CHIA: variants seen among roughly 807,000 people sequenced by gnomAD.
CHIA encodes acidic mammalian chitinase.
In CHIA, 47 loss-of-function variants were observed where a neutral mutation model predicts 53.5. The ratio of observed to expected loss-of-function variants is 0.88; its 90% CI spans 0.70 to 1.12. CHIA has a LOEUF of 1.12. Among genes scored for constraint, CHIA ranks in the 50% most tolerant of loss-of-function variants. CHIA has a pLI of 0.00. For synonymous variants in CHIA, 268 were observed against 222.2 expected (o/e 1.21, Z -1.83); for missense variants, 652 against 592.2 (o/e 1.10, Z -1.05).
chr1:111,315,323 T>G lies in CHIA; in HGVS notation c.368T>G (p.Val123Gly). The change falls in exon 6 of 12, where the codon GTC becomes GGC. Residue 123 changes from valine (V) to glycine (G), a missense_variant. Physicochemically the swap from Val to Gly is moderately radical, Grantham distance 109. Transcript: ENST00000369740. ...PENRQTFITS[V>G]IKFLRQYEFD... ...AACCGCCAGACTTTCATCACCTCAG[T>G]CATCAAATTCCTGCGCCAGTATGAG... is the stretch of plus-strand genomic sequence containing the variant. 1.2e-6 allele frequency: 2 copies of G among 1,613,512 alleles called. No homozygotes were observed. Among genetic ancestry groups the G allele is most frequent in the South Asian group, 2.2e-5 (2 of 91,054 alleles).
chr1:111,294,366 G>A (rs1227940617), intron 1 of CHIA, among the ~76,000 whole-genome samples: 1 of 151,624 alleles, frequency 6.6e-6, no homozygotes, highest in African/African-American at 2.4e-5. Flanking sequence ...TATTCTCTTT[G>A]TTAGTTTATA....
intron 1 of CHIA, among the ~76,000 whole-genome samples, chr1:111,294,525 A>C (rs2101598477): frequency 6.6e-6 from 1 of 152,254 alleles, no homozygotes; most frequent in East Asian, 1.9e-4. Context: ...CTTCCTTCCC[A>C]AATTGGATGC....
At chr1:111,315,501 G>T (rs929235474) in intron 6 of CHIA, 66 bp downstream of exon 6, 8 of 1,533,150 alleles carry the variant, frequency 5.2e-6, no homozygotes, top group Non-Finnish European at 5.3e-6. Flanking sequence ...AGGAGAATTG[G>T]GTGGCTCTAG....
chr1:111,319,234 A>G lies in CHIA; in HGVS notation c.1030A>G (p.Ile344Val), dbSNP rs374270214. ...CTATGACAACATCAAGAGCTTCGAT[A>G]TTAAGGTAAGATCAGTCCCTTAAAT... ...VGYDNIKSFDIKAQWLKHNKF... is the reference protein window; with the variant it reads ...VGYDNIKSFDVKAQWLKHNKF... Residue 344 changes from isoleucine (I) to valine (V), a missense_variant, in exon 10 of 12, where the codon ATT (isoleucine) becomes GTT (valine). Ile to Val is a conservative substitution (Grantham distance 29). Coordinates refer to ENST00000369740, the MANE Select transcript of CHIA (RefSeq NM_201653.4). The G allele has an allele frequency of 2.7e-5, 43 of 1,614,102 alleles. No individual in the cohort carries two copies. The highest frequency in any genetic ancestry group is 3.4e-5 in the Non-Finnish European group (40 of 1,180,044).
Position 111,308,262 on chromosome 1 carries a change from C to T in CHIA, c.-68-2138C>T, listed in dbSNP as rs185813393. On this transcript the variant is annotated intron_variant, in intron 1 of 11. Coordinates refer to ENST00000369740, the MANE Select transcript of CHIA (RefSeq NM_201653.4). ...ACTAGCTATAAATGGTAGCTACACC[C>T]TATAGTCCTGAATACGATAAACCTG... Among the ~76,000 whole-genome samples, 15 of 152,288 alleles carry T rather than the reference C, an allele frequency of 9.8e-5. No homozygotes were observed. In the East Asian group the frequency reaches 2.9e-3, roughly 29 times the overall value.
At chr1:111,298,665 A>G (rs1003077817) in intron 1 of CHIA, among the ~76,000 whole-genome samples, 11 of 152,202 alleles carry the variant, frequency 7.2e-5, no homozygotes, top group African/African-American at 2.4e-4. Context: ...CCCTAACATC[A>G]CAATTAAAAG....
chr1:111,310,039 A>T (rs1164331401), intron 1 of CHIA, among the ~76,000 whole-genome samples: 12 of 152,234 alleles, frequency 7.9e-5, no homozygotes, highest in Non-Finnish European at 1.8e-4. Flanking sequence ...GAGGAAAAAA[A>T]GGTTTAAGAA....
At chr1:111,292,815 T>A (rs1414563573) in intron 1 of CHIA, among the ~76,000 whole-genome samples, 2 of 152,308 alleles carry the variant, frequency 1.3e-5, no homozygotes, top group East Asian at 3.9e-4. Flanking sequence ...ATTCTAAGTA[T>A]CTCACATAAA....
intron 1 of CHIA, among the ~76,000 whole-genome samples, chr1:111,308,278 G>A (rs534171943): frequency 1.3e-5 from 2 of 152,284 alleles, no homozygotes; most frequent in African/African-American, 4.8e-5. Flanking sequence ...TCCTGAATAC[G>A]ATAAACCTGG....
chr1:111,309,256 T>C (rs1225739554), intron 1 of CHIA, among the ~76,000 whole-genome samples: 1 of 152,194 alleles, frequency 6.6e-6, no homozygotes, highest in Non-Finnish European at 1.5e-5. Flanking sequence ...ACACTTAACC[T>C]ACCAATCACA....
intron 1 of CHIA, among the ~76,000 whole-genome samples, chr1:111,291,883 G>A (rs1661047270): frequency 6.6e-6 from 1 of 151,838 alleles, no homozygotes; most frequent in Non-Finnish European, 1.5e-5. Context: ...AAGCATGTGG[G>A]GCTTCATACC....
Position 111,313,497 on chromosome 1 carries a change from T to C in CHIA, c.258-1043T>C, listed in dbSNP as rs558059234. 7.2e-5 allele frequency among the ~76,000 whole-genome samples: 11 copies of C among 152,328 alleles called. No homozygotes were observed. The South Asian group carries it at 2.1e-3, about 29-fold the overall frequency. On this transcript the variant is annotated intron_variant, in intron 4 of 11. Transcript: ENST00000369740. ...CTTGGCCCATTTTTTAATCAGGTTA[T>C]TTGGTTTCTTACTACTGAGTTGTAT...
chr1:111,310,407 T>G lies in CHIA; in HGVS notation c.-61T>G. ...AAATTGTTCTCTATTTAGAAGCCTT[T>G]GTGATAACCACAGAATCAGAACATA... On this transcript the variant is annotated 5_prime_UTR_variant, in exon 2 of 12. Transcript: ENST00000369740. 1 of 1,609,506 alleles carries G rather than the reference T, an allele frequency of 6.2e-7. No homozygotes were observed. Among genetic ancestry groups the G allele is most frequent in the South Asian group, 1.1e-5 (1 of 89,964 alleles).
Position 111,296,894 on chromosome 1 carries a change from C to T in CHIA, c.-69+5944C>T, listed in dbSNP as rs190789675. Among the ~76,000 whole-genome samples, 344 of 152,252 alleles carry T rather than the reference C, an allele frequency of 2.3e-3. 1 individual carries two copies. The highest frequency in any genetic ancestry group is 7.5e-3 in the African/African-American group (313 of 41,558). On this transcript the variant is annotated intron_variant, in intron 1 of 11. Coordinates refer to ENST00000369740, the MANE Select transcript of CHIA (RefSeq NM_201653.4). ...GAAGAACTTAAATGAACTGACAGAA[C>T]GGAAAACCATGGCACGAGAACTTCG...
At chr1:111,296,469 G>T (rs2101603099) in intron 1 of CHIA, among the ~76,000 whole-genome samples, 1 of 152,320 alleles carries the variant, frequency 6.6e-6, no homozygotes, top group South Asian at 2.1e-4. Context: ...CAACAGACCT[G>T]CAGCTGAGGG....
rs140459744 is a variant in CHIA at position 111,320,227 on chromosome 1, G to A, written c.1192G>A (p.Ala398Thr). ...GTATGTTTCAGGTTGCACGGCTCCAGCTCAGCCCATTGAGCCAATAACTGC... is the reference window on the plus strand; with the variant it reads ...GTATGTTTCAGGTTGCACGGCTCCAACTCAGCCCATTGAGCCAATAACTGC... Reference protein sequence around the residue: ...GLQSASCTAPAQPIEPITAAP... With the variant: ...GLQSASCTAPTQPIEPITAAP... The change falls in exon 12 of 12, where the codon GCT becomes ACT. Residue 398 changes from alanine (A) to threonine (T), a missense_variant. Ala to Thr is a moderately conservative substitution (Grantham distance 58). Transcript: ENST00000369740. 11 of 1,613,658 alleles carry A rather than the reference G, an allele frequency of 6.8e-6. No individual in the cohort carries two copies. The highest frequency in any genetic ancestry group is 2.2e-5 in the East Asian group (1 of 44,904).
intron 1 of CHIA, among the ~76,000 whole-genome samples, chr1:111,296,477 G>A (rs1467605169): frequency 2.0e-5 from 3 of 152,188 alleles, no homozygotes; most frequent in Non-Finnish European, 4.4e-5. Flanking sequence ...CTGCAGCTGA[G>A]GGACCTGACT....
At chr1:111,293,878 G>C (rs1320431380) in intron 1 of CHIA, among the ~76,000 whole-genome samples, 1 of 152,132 alleles carries the variant, frequency 6.6e-6, no homozygotes, top group East Asian at 1.9e-4. Context: ...TCAGGAGTTT[G>C]AGACCAGCTT....
At chr1:111,307,769 G>C (rs867738893) in intron 1 of CHIA, among the ~76,000 whole-genome samples, 1 of 151,906 alleles carries the variant, frequency 6.6e-6, no homozygotes, top group Admixed American at 6.6e-5. Flanking sequence ...AGCCTCCCAA[G>C]TAGCTGAGAT....
Sources: allele counts gnomAD v4.1 joint callset (sites outside exome capture counted in the v4.1 genomes callset), GRCh38; gene constraint gnomAD v4.1.1; transcripts MANE v1.5; gene names NCBI Gene and HGNC (gene_info 2026-07-23, HGNC 2026-07-21).